The following CHD9 variants were observed in gnomAD, a reference collection of about 807,000 sequenced individuals.
CHD9 encodes the protein ATP-dependent chromatin remodeler CHD9.
A neutral mutation model predicts 316.1 loss-of-function variants in CHD9; 77 were observed. The observed-to-expected ratio is 0.24, with a 90% confidence interval of 0.20 to 0.29. The LOEUF (loss-of-function observed/expected upper bound fraction) is 0.29. Among genes scored for constraint, CHD9 ranks in the 10% least tolerant of loss-of-function variants. The probability of loss-of-function intolerance (pLI) is 1.00; values close to 1 mark genes in which losing one functional copy is unlikely to be tolerated. For synonymous variants in CHD9, 1,129 were observed against 1,158.3 expected, an observed-to-expected ratio of 0.97 and a Z score of 0.51; for missense variants, 2,763 against 3,438.1, an observed-to-expected ratio of 0.80 and a Z score of 4.91.
At chr16:53,146,613 C>T (rs1344666065) in intron 1 of CHD9, among the ~76,000 whole-genome samples, 2 of 149,718 alleles carry the variant, frequency 1.3e-5, no homozygotes, top group Non-Finnish European at 3.0e-5. Context: ...GCCTGGCCAA[C>T]ATAGCAAAAC....
chr16:53,301,408 A>G (rs901233437), intron 30 of CHD9, among the ~76,000 whole-genome samples: 2 of 152,230 alleles, frequency 1.3e-5, no homozygotes, highest in Non-Finnish European at 2.9e-5. Flanking sequence ...AGAATTACCT[A>G]ACATTTCTGT....
intron 1 of CHD9, among the ~76,000 whole-genome samples, chr16:53,064,193 A>C (rs1469036250): frequency 6.6e-6 from 1 of 151,996 alleles, no homozygotes; most frequent in African/African-American, 2.4e-5. Context: ...TCATCACCAC[A>C]GTTCTTCAGA....
At chr16:53,169,233 A>G (rs982830325) in intron 2 of CHD9, 2 of 152,130 alleles carry the variant, frequency 1.3e-5, no homozygotes, top group African/African-American at 4.8e-5. Context: ...AATGAAATAA[A>G]ACTTTTTTGT....
In CHD9 at chr16:53,247,150, T is replaced by C. The variant is rs1387657469; in HGVS notation, c.3455-143T>C. On this transcript the variant is annotated intron_variant, in intron 15 of 38. Transcript: ENST00000447540. ...GTGGAGGTTCAGCAACAAGCTTAAA[T>C]AATTCTAATAAAAGCAATGTACATG... 6.4e-6 allele frequency: 4 copies of C among 626,932 alleles called. No individual in the cohort carries two copies. The East Asian group carries it at 1.1e-4, about 17-fold the overall frequency. The allele number at this position is 626,932 out of a possible 1,614,324, so 38.8% of individuals were successfully genotyped here.
intron 1 of CHD9, among the ~76,000 whole-genome samples, chr16:53,139,016 C>CT (rs1440699626): frequency 6.6e-6 from 1 of 151,900 alleles, no homozygotes; most frequent in African/African-American, 2.4e-5. Flanking sequence ...GGGCGTAAGT[C>CT]TTTTTGAAAG....
At chr16:53,246,783 CA>C (rs1379147915) in intron 15 of CHD9, among the ~76,000 whole-genome samples, 1 of 152,046 alleles carries the variant, frequency 6.6e-6, no homozygotes. Context: ...CTTGGCCTCC[CA>C]AAGTGCTGAA....
At chr16:53,234,047 T>C (rs1187352786) in intron 10 of CHD9, among the ~76,000 whole-genome samples, 2 of 152,318 alleles carry the variant, frequency 1.3e-5, no homozygotes, top group East Asian at 1.9e-4. Context: ...CTTTTACATA[T>C]AATGTTTCAC....
intron 2 of CHD9, among the ~76,000 whole-genome samples, chr16:53,203,585 A>AAG (rs1423574690): frequency 1.3e-5 from 2 of 152,174 alleles, no homozygotes; most frequent in Admixed American, 1.3e-4. Flanking sequence ...CCTAAAGCCT[A>AAG]AGAGTCTTCC....
chr16:53,278,082 C>T (rs970018274), intron 24 of CHD9, among the ~76,000 whole-genome samples: 1 of 151,000 alleles, frequency 6.6e-6, no homozygotes, highest in African/African-American at 2.4e-5. Context: ...AGGAAAACTA[C>T]AAAACACTCC....
chr16:53,286,611 T>C (rs553994436), intron 26 of CHD9, among the ~76,000 whole-genome samples: 1 of 152,254 alleles, frequency 6.6e-6, no homozygotes, highest in South Asian at 2.1e-4. Flanking sequence ...ACTGAGTTCA[T>C]AAACTTCTAG....
At position 53,123,676 on chromosome 16, in the gene CHD9, A is replaced by G. The variant is rs190238599; in HGVS notation, c.-164-32250A>G. Among the ~76,000 whole-genome samples the G allele has an allele frequency of 1.5e-4, 23 of 151,958 alleles. No individual in the cohort carries two copies. The East Asian group carries it at 3.9e-3, about 26-fold the overall frequency. ...ACCACAACGCCTGGCAAATTTTTGT[A>G]TTTTTAGTAGAGACAGGGTTTCACT... On this transcript the variant is annotated intron_variant, in intron 1 of 38. Transcript: ENST00000447540.
At chr16:53,195,121 A>G (rs746559968) in intron 2 of CHD9, among the ~76,000 whole-genome samples, 1 of 152,220 alleles carries the variant, frequency 6.6e-6, no homozygotes, top group East Asian at 1.9e-4. Flanking sequence ...CAATTTGATC[A>G]ATTTTCAGAC....
intron 1 of CHD9, among the ~76,000 whole-genome samples, chr16:53,127,880 T>C (rs938016720): frequency 6.9e-6 from 1 of 145,370 alleles, no homozygotes; most frequent in Non-Finnish European, 1.5e-5. Context: ...GAGGTGGAGA[T>C]TGCAGTTAGC....
chr16:53,229,305 A>T (rs62049765), intron 8 of CHD9, among the ~76,000 whole-genome samples: 2,961 of 152,322 alleles, frequency 0.019, 50 homozygotes, highest in Middle Eastern at 0.041. Flanking sequence ...AGAATGGTAG[A>T]TCATGCTTGT....
chr16:53,106,732 C>T (rs1258920728), intron 1 of CHD9, among the ~76,000 whole-genome samples: 1 of 151,846 alleles, frequency 6.6e-6, no homozygotes, highest in African/African-American at 2.4e-5. Context: ...ATCCTGCTTC[C>T]CAAAATGGCC....
In CHD9 at chr16:53,238,556, G is replaced by A. The variant is rs571335997; in HGVS notation, c.2847G>A (p.Gln949=). 1.2e-6 allele frequency: 2 copies of A among 1,613,094 alleles called. No homozygotes were observed. Among genetic ancestry groups the A allele is most frequent in the Admixed American group, 1.7e-5 (1 of 59,996 alleles). Residue 949 remains glutamine, a synonymous_variant, in exon 12 of 39, where the codon CAG becomes CAA. Transcript: ENST00000447540. ...HGSLISRQMI[Q]QYEMYFRDSQ... ...GCCTGATTAGCAGACAAATGATACA[G>A]CAATACGAGATGTACTTCAGGGATT...
At chr16:53,296,626 T>C (rs1335509754) in intron 29 of CHD9, among the ~76,000 whole-genome samples, 1 of 151,882 alleles carries the variant, frequency 6.6e-6, no homozygotes, top group East Asian at 1.9e-4. Flanking sequence ...TTGTATTTTT[T>C]AATAGAGACG....
intron 2 of CHD9, among the ~76,000 whole-genome samples, chr16:53,203,911 C>G (rs1010055178): frequency 2.7e-5 from 4 of 150,014 alleles, no homozygotes; most frequent in Non-Finnish European, 5.9e-5. Context: ...GTAGTCCCAG[C>G]TACTCGTGAG....
At chr16:53,126,062 C>T (rs2038957148) in intron 1 of CHD9, among the ~76,000 whole-genome samples, 1 of 152,090 alleles carries the variant, frequency 6.6e-6, no homozygotes, top group Non-Finnish European at 1.5e-5. Context: ...TTAATGAAGT[C>T]TAGTTTATAT....
Sources: gnomAD v4.1 joint callset for allele counts (sites outside exome capture counted in the v4.1 genomes callset) on GRCh38, gnomAD v4.1.1 for gene constraint, MANE v1.5 for transcripts, NCBI Gene and HGNC (gene_info 2026-07-23, HGNC 2026-07-21) for gene names.